Variants in CCM2L observed in about 807,000 individuals in gnomAD.
CCM2L encodes cerebral cavernous malformations 2 protein-like.
Under a neutral mutation model 54.1 loss-of-function variants are expected in CCM2L, and 36 were observed. The observed-to-expected ratio is 0.67, with a 90% CI of 0.51 to 0.88. The LOEUF (loss-of-function observed/expected upper bound fraction) is 0.88. Ranked by LOEUF, CCM2L falls within the 40% of genes least tolerant of loss-of-function variation. The probability of loss-of-function intolerance (pLI) is 0.00; values close to 1 mark genes in which losing one functional copy is unlikely to be tolerated. For missense variants in CCM2L, 700 were observed against 812.1 expected, an observed-to-expected ratio of 0.86 and a Z score of 1.68; for synonymous variants, 351 against 359.3, an observed-to-expected ratio of 0.98 and a Z score of 0.26.
In CCM2L at chr20:32,019,038, C is replaced by T; in HGVS notation, c.562C>T (p.Arg188Trp). The change falls in exon 5 of 10, where the codon CGG becomes TGG. Residue 188 changes from arginine (R) to tryptophan (W), a missense_variant. Arg to Trp is a moderately radical substitution (Grantham distance 101, BLOSUM62 -3). Coordinates refer to ENST00000452892, the MANE Select transcript of CCM2L (RefSeq NM_001365692.1). ...GCCAGGCGGGGCGCCCGAGAAGCGG[C>T]GGGTGGGCACCGCGGAGCGGCGCCA... is the stretch of plus-strand genomic sequence containing the variant. Reference protein sequence around the residue: ...GPPGGAPEKRRVGTAERRHTI... With the variant: ...GPPGGAPEKRWVGTAERRHTI... 1.5e-6 allele frequency: 2 copies of T among 1,311,696 alleles called. No homozygotes were observed. The highest frequency in any genetic ancestry group is 1.9e-6 in the Non-Finnish European group (2 of 1,038,268). The allele number at this position is 1,311,696 out of a possible 1,614,324, so 81.3% of individuals were successfully genotyped here.
chr20:32,013,108 G>C (rs1282953193), intron 1 of CCM2L, among the ~76,000 whole-genome samples: 1 of 152,116 alleles, frequency 6.6e-6, no homozygotes, highest in Non-Finnish European at 1.5e-5. Context: ...AGCCAGCCCA[G>C]GCAACGCAGT....
intron 1 of CCM2L, among the ~76,000 whole-genome samples, chr20:32,012,231 TC>T (rs2064701439): frequency 6.6e-6 from 1 of 152,144 alleles, no homozygotes; most frequent in Non-Finnish European, 1.5e-5. Context: ...ACCCCCAGTT[TC>T]TGGGCCAATA....
intron 1 of CCM2L, among the ~76,000 whole-genome samples, chr20:32,012,783 T>C (rs1291825836): frequency 7.9e-5 from 12 of 152,218 alleles, no homozygotes; most frequent in Admixed American, 7.8e-4. Flanking sequence ...AGTCCAGCCA[T>C]ACAGGTGTAA....
intron 5 of CCM2L, among the ~76,000 whole-genome samples, chr20:32,020,495 G>C (rs772982095): frequency 1.3e-5 from 2 of 151,994 alleles, no homozygotes; most frequent in Admixed American, 1.3e-4. Context: ...AAGATCTAAC[G>C]ACTGTTTCAA....
chr20:32,026,107 GA>G (rs1193361087), intron 7 of CCM2L, among the ~76,000 whole-genome samples, 188 bp downstream of exon 7: 1 of 152,146 alleles, frequency 6.6e-6, no homozygotes, highest in African/African-American at 2.4e-5. Context: ...AGAGACCCAG[GA>G]GACACCAGAA....
At chr20:32,020,621 G>C (rs2064796167) in intron 5 of CCM2L, among the ~76,000 whole-genome samples, 1 of 152,188 alleles carries the variant, frequency 6.6e-6, no homozygotes, top group Non-Finnish European at 1.5e-5. Context: ...CCAAAACCTT[G>C]CTGTGGGCCT....
chr20:32,017,779 C>T, intron 2 of CCM2L, 21 bp from the exon 3 acceptor site: 1 of 1,608,548 alleles, frequency 6.2e-7, no homozygotes, highest in African/African-American at 1.3e-5. Context: ...GTGTCCTTCT[C>T]TCACCCCGAT....
At chr20:32,015,805 C>T (rs1427202247) in intron 2 of CCM2L, among the ~76,000 whole-genome samples, 3 of 151,324 alleles carry the variant, frequency 2.0e-5, no homozygotes, top group Non-Finnish European at 2.9e-5. Flanking sequence ...ACTCGGACAG[C>T]GTCCAGATTA....
intron 4 of CCM2L, among the ~76,000 whole-genome samples, chr20:32,018,422 G>C (rs1211001873): frequency 1.3e-5 from 2 of 152,152 alleles, no homozygotes; most frequent in Admixed American, 6.5e-5. Flanking sequence ...ACTACACTGA[G>C]GCCAGGTGGT....
rs1458352562 is a variant in CCM2L at position 32,031,652 on chromosome 20, G to A, written c.*338G>A. Reference sequence around the variant, plus strand: ...CTCCCCGGGACGCCGCAGCTTTCTGGAGGCTGAGGAAGGCATGAAGAGTGG... The same window carrying A: ...CTCCCCGGGACGCCGCAGCTTTCTGAAGGCTGAGGAAGGCATGAAGAGTGG... On this transcript the variant is annotated 3_prime_UTR_variant, in exon 10 of 10. Coordinates refer to ENST00000452892, the MANE Select transcript of CCM2L (RefSeq NM_001365692.1). The A allele has an allele frequency of 6.0e-6, 1 of 167,900 alleles. No homozygotes were observed. The highest frequency in any genetic ancestry group is 6.4e-5 in the Admixed American group (1 of 15,688). The allele number at this position is 167,900 out of a possible 1,614,324, so 10.4% of individuals were successfully genotyped here. A position where few individuals can be genotyped will look rare whatever the true frequency, so the allele number is the denominator to read the frequency against.
chr20:32,025,739 T>C, intron 6 of CCM2L, 117 bp from the exon 7 acceptor site: 1 of 604,644 alleles, frequency 1.7e-6, no homozygotes, highest in Non-Finnish European at 2.7e-6. Flanking sequence ...CTGTTGTGTG[T>C]TGGTGTCAGA....
rs757077480 is a variant in CCM2L at position 32,014,973 on chromosome 20, G to A, written c.100G>A (p.Val34Met). 26 of 1,596,000 alleles carry A rather than the reference G, an allele frequency of 1.6e-5. No homozygotes were observed. Among genetic ancestry groups the A allele is most frequent in the Non-Finnish European group, 1.6e-5 (19 of 1,171,788 alleles). Residue 34 changes from valine to methionine, a missense_variant, in exon 2 of 10, where the codon GTG becomes ATG. Transcript: ENST00000452892. ...GCGCCGGGCAGCCTGTAGGAGCAGC[G>A]TGAGCCGCCGGCCCCTGCACTCGAT... ...AGRRAACRSS[V>M]SRRPLHSMPL... is the part of the protein sequence containing the mutation.
chr20:32,013,415 G>A (rs181685226), intron 1 of CCM2L, among the ~76,000 whole-genome samples: 288 of 152,134 alleles, frequency 1.9e-3, no homozygotes, highest in African/African-American at 6.2e-3. Flanking sequence ...CCCGTAGTTC[G>A]TGTGTGTGTG....
intron 1 of CCM2L, 82 bp downstream of exon 1, chr20:32,010,566 GTC>G: frequency 2.0e-6 from 2 of 984,662 alleles, no homozygotes; most frequent in Non-Finnish European, 3.1e-6. Context: ...GGGGTGGGGG[GTC>G]GGTAGCGAGG....
intron 7 of CCM2L, among the ~76,000 whole-genome samples, chr20:32,027,442 GT>G (rs2064873142): frequency 6.6e-6 from 1 of 152,124 alleles, no homozygotes; most frequent in African/African-American, 2.4e-5. Context: ...CATCAACATA[GT>G]AACATTACAG....
intron 6 of CCM2L, among the ~76,000 whole-genome samples, chr20:32,025,435 A>AT (rs2064849845): frequency 2.0e-5 from 3 of 151,752 alleles, no homozygotes; most frequent in Non-Finnish European, 4.4e-5. Flanking sequence ...CACCCAGCTA[A>AT]TTTTTTTGTT....
chr20:32,012,428 G>A (rs1320971746), intron 1 of CCM2L, among the ~76,000 whole-genome samples: 1 of 152,166 alleles, frequency 6.6e-6, no homozygotes, highest in Non-Finnish European at 1.5e-5. Context: ...TGGTGGTGGT[G>A]CATGCCTGTG....
intron 1 of CCM2L, among the ~76,000 whole-genome samples, chr20:32,011,707 G>T (rs1051261131): frequency 6.6e-6 from 1 of 152,096 alleles, no homozygotes; most frequent in African/African-American, 2.4e-5. Context: ...TGGAAGGAAA[G>T]TGGGTAGGGA....
rs372361959 is a variant in CCM2L at position 32,010,507 on chromosome 20, C to T, written c.30+23C>T. ...AAGGTAGGTGGGAGGTTGGGAGGGA[C>T]GAAGGGAGAGGAATGTCCCCAAAGC... On this transcript the variant is annotated intron_variant, in intron 1 of 9. Coordinates refer to ENST00000452892, the MANE Select transcript of CCM2L (RefSeq NM_001365692.1). The T allele has an allele frequency of 2.3e-5, 34 of 1,468,112 alleles. 1 individual carries two copies. The highest frequency in any genetic ancestry group is 8.6e-5 in the South Asian group (7 of 80,928). 90.9% of individuals were successfully genotyped at this position (1,468,112 alleles called of 1,614,324 possible). A position where few individuals can be genotyped will look rare whatever the true frequency, so the allele number is the denominator to read the frequency against.
Sources: allele counts gnomAD v4.1 joint callset (sites outside exome capture counted in the v4.1 genomes callset), GRCh38; gene constraint gnomAD v4.1.1; transcripts MANE v1.5; gene names NCBI Gene and HGNC (gene_info 2026-07-23, HGNC 2026-07-21).